DNAJB6: variants seen among roughly 807,000 people sequenced by gnomAD.
DNAJB6 encodes DnaJ heat shock protein family (Hsp40) member B6.
Under a neutral mutation model 42.7 loss-of-function variants are expected in DNAJB6, and 16 were observed. That is an observed-to-expected ratio of 0.37 (90% CI 0.25 to 0.57). The LOEUF (loss-of-function observed/expected upper bound fraction) is 0.57. DNAJB6 is among the 20% of genes least tolerant of loss of function. DNAJB6 has a pLI of 0.74. For missense variants in DNAJB6, 347 were observed against 416.8 expected, an observed-to-expected ratio of 0.83 and a Z score of 1.46; for synonymous variants, 170 against 163.5, an observed-to-expected ratio of 1.04 and a Z score of -0.30.
At chr7:157,387,103 C>CT (rs952613484) in intron 8 of DNAJB6, among the ~76,000 whole-genome samples, 5 of 152,210 alleles carry the variant, frequency 3.3e-5, no homozygotes, top group African/African-American at 1.2e-4. Context: ...TCCGTGCTGG[C>CT]TTTGCAGGAG....
chr7:157,380,127 A>G (rs993214215), intron 5 of DNAJB6: 4 of 152,134 alleles, frequency 2.6e-5, no homozygotes, highest in African/African-American at 9.7e-5. Flanking sequence ...AATGCTTTTT[A>G]ACGGTCACCT....
intron 8 of DNAJB6, among the ~76,000 whole-genome samples, chr7:157,403,793 T>C (rs1259064156): frequency 2.0e-5 from 3 of 152,252 alleles, no homozygotes; most frequent in Non-Finnish European, 2.9e-5. Context: ...AGAGCGGTTA[T>C]ACTTGCCCTG....
chr7:157,342,152 C>G (rs896430846), intron 1 of DNAJB6, among the ~76,000 whole-genome samples: 1 of 151,064 alleles, frequency 6.6e-6, no homozygotes, highest in African/African-American at 2.4e-5. Context: ...AGCACCGAGC[C>G]TGGCCCTATT....
chr7:157,398,737 G>A (rs1801714673), intron 8 of DNAJB6, among the ~76,000 whole-genome samples: 1 of 152,200 alleles, frequency 6.6e-6, no homozygotes, highest in African/African-American at 2.4e-5. Flanking sequence ...TTGATCTGTT[G>A]TAACCAGCCT....
At chr7:157,394,486 A>G (rs1253818162) in intron 8 of DNAJB6, among the ~76,000 whole-genome samples, 1 of 151,882 alleles carries the variant, frequency 6.6e-6, no homozygotes, top group East Asian at 1.9e-4. Flanking sequence ...TCGTGATGAC[A>G]CCACTGCACT....
At chr7:157,376,765 C>T (rs1294371402) in intron 5 of DNAJB6, among the ~76,000 whole-genome samples, 2 of 152,176 alleles carry the variant, frequency 1.3e-5, no homozygotes, top group Non-Finnish European at 2.9e-5. Context: ...CCTGTAATCC[C>T]AGCTACTTGG....
At chr7:157,380,220 T>G (rs933433522) in intron 5 of DNAJB6, 11 of 152,204 alleles carry the variant, frequency 7.2e-5, no homozygotes, top group African/African-American at 2.7e-4. Flanking sequence ...GAGGATATGT[T>G]GTAGATACGT....
chr7:157,355,229 G>C (rs181931649), intron 1 of DNAJB6, among the ~76,000 whole-genome samples: 3 of 152,104 alleles, frequency 2.0e-5, no homozygotes, highest in Non-Finnish European at 4.4e-5. Flanking sequence ...GCGCGATCTC[G>C]GCTCACTGCA....
intron 8 of DNAJB6, among the ~76,000 whole-genome samples, chr7:157,391,384 C>G (rs751628049): frequency 2.0e-5 from 3 of 152,220 alleles, no homozygotes; most frequent in African/African-American, 4.8e-5. Context: ...AGAACTTGAA[C>G]GAGAAAGTGC....
chr7:157,337,935 G>C (rs113944894), intron 1 of DNAJB6: 1 of 152,046 alleles, frequency 6.6e-6, no homozygotes, highest in East Asian at 1.9e-4. Flanking sequence ...AACTTCTCAC[G>C]TAAACGGGGC....
intron 8 of DNAJB6, among the ~76,000 whole-genome samples, chr7:157,408,749 GGTCT>G (rs1312945513): frequency 6.6e-6 from 1 of 152,234 alleles, no homozygotes; most frequent in Non-Finnish European, 1.5e-5. Flanking sequence ...AATGTCTGTC[GGTCT>G]GTCAGTCCGT....
In DNAJB6 at chr7:157,385,530, T is replaced by C; in HGVS notation, c.621-11T>C. ...ACCAGAAAGGTTTTTAAATGAATTT[T>C]TTTCCTACAGAATTGTCGAGAACGG... On this transcript the variant is annotated splice_polypyrimidine_tract_variant and intron_variant, in intron 7 of 9. Coordinates refer to ENST00000262177, the MANE Select transcript of DNAJB6 (RefSeq NM_058246.4). The C allele has an allele frequency of 6.2e-7, 1 of 1,609,840 alleles. No individual in the cohort carries two copies. Among genetic ancestry groups the C allele is most frequent in the Non-Finnish European group, 8.5e-7 (1 of 1,178,826 alleles).
chr7:157,348,879 A>T (rs748232709), intron 1 of DNAJB6, among the ~76,000 whole-genome samples: 42 of 151,998 alleles, frequency 2.8e-4, no homozygotes, highest in Non-Finnish European at 5.9e-5. Context: ...ATTTTGCCTG[A>T]GCATACGCTG....
At chr7:157,403,306 G>A (rs1384429859) in intron 8 of DNAJB6, among the ~76,000 whole-genome samples, 1 of 152,180 alleles carries the variant, frequency 6.6e-6, no homozygotes, top group African/African-American at 2.4e-5. Flanking sequence ...TTTCGGGGGA[G>A]CAGAGGGATG....
chr7:157,337,796 C>CTGACCT (rs764499423), intron 1 of DNAJB6: 10 of 152,262 alleles, frequency 6.6e-5, no homozygotes, highest in Non-Finnish European at 1.2e-4. Flanking sequence ...TTTACATTAA[C>CTGACCT]TCTTACCTAA....
chr7:157,415,966 G>A (rs1442157298), intron 9 of DNAJB6, 50 bp from the exon 10 acceptor site: 1 of 1,608,930 alleles, frequency 6.2e-7, no homozygotes, highest in East Asian at 2.2e-5. Context: ...GGCTCTTGCT[G>A]GGGAAGCAGT....
At chr7:157,363,320 C>T (rs746381911) in intron 3 of DNAJB6, 50 bp downstream of exon 3, 33 of 1,280,652 alleles carry the variant, frequency 2.6e-5, no homozygotes, top group East Asian at 4.7e-5. Context: ...TGCCGGAATG[C>T]GGAGTGGGTG....
At position 157,407,912 on chromosome 7, in the gene DNAJB6, G is replaced by A. The variant is rs966781619; in HGVS notation, c.692-1883G>A. The stretch of plus-strand genomic sequence containing the variant: ...GCCTGCAACTGGGGCCTGGTCGGGC[G>A]CCCTGGCATGTTTCCTCCTGCTGCA... On this transcript the variant is annotated intron_variant, in intron 8 of 9. Coordinates refer to ENST00000262177, the MANE Select transcript of DNAJB6 (RefSeq NM_058246.4). Among the ~76,000 whole-genome samples, 9 of 152,302 alleles carry A rather than the reference G, an allele frequency of 5.9e-5. 1 individual carries two copies. Among genetic ancestry groups the A allele is most frequent in the Admixed American group, 1.3e-4 (2 of 15,300 alleles).
intron 8 of DNAJB6, among the ~76,000 whole-genome samples, chr7:157,393,237 A>G (rs1801432472): frequency 6.6e-6 from 1 of 152,288 alleles, no homozygotes; most frequent in Admixed American, 6.5e-5. Flanking sequence ...TTGGCCTCCC[A>G]AAGTGCTGGG....
Sources: gnomAD v4.1 joint callset for allele counts (sites outside exome capture counted in the v4.1 genomes callset) on GRCh38, gnomAD v4.1.1 for gene constraint, MANE v1.5 for transcripts, NCBI Gene and HGNC (gene_info 2026-07-23, HGNC 2026-07-21) for gene names.